Variants in MACROD2 observed in about 807,000 individuals in gnomAD.
MACROD2 encodes the protein ADP-ribose glycohydrolase MACROD2.
In MACROD2, 36 loss-of-function variants were observed where a neutral mutation model predicts 70.4. The ratio of observed to expected loss-of-function variants is 0.51; its 90% CI spans 0.39 to 0.68. MACROD2 has a LOEUF of 0.68. MACROD2 is among the 30% of genes least tolerant of loss of function. MACROD2 has a pLI of 0.00. For synonymous variants in MACROD2, 172 were observed against 178.8 expected (o/e 0.96, Z 0.30); for missense variants, 496 against 538.4 (o/e 0.92, Z 0.78).
chr20:15,035,885 T>C (rs976656955), intron 5 of MACROD2, among the ~76,000 whole-genome samples: 2 of 152,100 alleles, frequency 1.3e-5, no homozygotes, highest in African/African-American at 4.8e-5. Context: ...GCTCCCCCTT[T>C]TTTTTTCCTA....
At chr20:15,344,217 C>T (rs1017106666) in intron 6 of MACROD2, among the ~76,000 whole-genome samples, 3 of 152,180 alleles carry the variant, frequency 2.0e-5, no homozygotes, top group Admixed American at 1.3e-4. Context: ...GGAACAGGCT[C>T]TTCCTCCTAC....
At chr20:14,555,017 A>C (rs541524580) in intron 4 of MACROD2, among the ~76,000 whole-genome samples, 20 of 151,676 alleles carry the variant, frequency 1.3e-4, no homozygotes, top group African/African-American at 3.1e-4. Context: ...ATAAAAAAAA[A>C]CAGAAAGAAT....
At chr20:14,524,403 T>G (rs1250465840) in intron 4 of MACROD2, among the ~76,000 whole-genome samples, 1 of 152,222 alleles carries the variant, frequency 6.6e-6, no homozygotes, top group Non-Finnish European at 1.5e-5. Flanking sequence ...TTTACTAGAG[T>G]TGGCTAGGGC....
At chr20:15,527,041 A>G (rs2047731266) in intron 8 of MACROD2, among the ~76,000 whole-genome samples, 2 of 152,180 alleles carry the variant, frequency 1.3e-5, no homozygotes, top group Admixed American at 1.3e-4. Flanking sequence ...AATATTATGT[A>G]AAATAAAACC....
chr20:15,265,070 A>G (rs1009420727), intron 6 of MACROD2, among the ~76,000 whole-genome samples: 1 of 152,246 alleles, frequency 6.6e-6, no homozygotes, highest in Non-Finnish European at 1.5e-5. Context: ...TTCTTTTAAC[A>G]GTATGGCAGC....
chr20:15,599,357 A>T (rs1181835472), intron 8 of MACROD2, among the ~76,000 whole-genome samples: 15 of 151,944 alleles, frequency 9.9e-5, no homozygotes, highest in Admixed American at 8.5e-4. Flanking sequence ...GCGCCACTGC[A>T]CTCCAGTCTG....
At chr20:14,028,091 T>G (rs777308123) in intron 2 of MACROD2, among the ~76,000 whole-genome samples, 10 of 152,336 alleles carry the variant, frequency 6.6e-5, no homozygotes, top group East Asian at 1.9e-4. Flanking sequence ...GCTGATGCCT[T>G]TCTTTCAGAG....
At chr20:14,247,552 A>T (rs1346903281) in intron 3 of MACROD2, among the ~76,000 whole-genome samples, 1 of 152,236 alleles carries the variant, frequency 6.6e-6, no homozygotes, top group African/African-American at 2.4e-5. Flanking sequence ...ATTGTTTTAC[A>T]GGTTGGGTGT....
chr20:15,666,985 T>C (rs1363417381), intron 8 of MACROD2, among the ~76,000 whole-genome samples: 3 of 152,284 alleles, frequency 2.0e-5, no homozygotes, highest in East Asian at 3.9e-4. Flanking sequence ...ATTTGCTGTA[T>C]TTTTGTTTTC....
intron 3 of MACROD2, among the ~76,000 whole-genome samples, chr20:14,262,774 C>T (rs963128422): frequency 6.6e-6 from 1 of 152,134 alleles, no homozygotes; most frequent in East Asian, 1.9e-4. Flanking sequence ...AACAGCATTA[C>T]TGAAAACAAT....
intron 6 of MACROD2, among the ~76,000 whole-genome samples, chr20:15,304,851 T>C (rs981197665): frequency 1.3e-5 from 2 of 152,192 alleles, no homozygotes; most frequent in African/African-American, 2.4e-5. Context: ...AAACTTCCAC[T>C]CTCCTTTGGT....
chr20:16,008,202 G>A (rs1206658789), intron 15 of MACROD2, among the ~76,000 whole-genome samples: 1 of 152,172 alleles, frequency 6.6e-6, no homozygotes, highest in Admixed American at 6.5e-5. Flanking sequence ...TGAAGGCAAA[G>A]CCTTCCTATA....
intron 8 of MACROD2, among the ~76,000 whole-genome samples, chr20:15,729,519 A>G (rs2050913007): frequency 6.6e-6 from 1 of 152,134 alleles, no homozygotes; most frequent in South Asian, 2.1e-4. Flanking sequence ...GTGGTTATCT[A>G]CGTCTCTCCA....
At chr20:15,815,033 G>A (rs139953968) in intron 8 of MACROD2, among the ~76,000 whole-genome samples, 1 of 152,166 alleles carries the variant, frequency 6.6e-6, no homozygotes, top group Non-Finnish European at 1.5e-5. Context: ...AGGGCAGAGG[G>A]GGTACTTTAT....
chr20:14,009,669 C>T (rs1425705529), intron 2 of MACROD2, among the ~76,000 whole-genome samples: 1 of 152,086 alleles, frequency 6.6e-6, no homozygotes, highest in Admixed American at 6.5e-5. Context: ...TAAAAGAAGG[C>T]GTATGTTCAT....
At chr20:14,093,028 A>C (rs747634745) in intron 3 of MACROD2, among the ~76,000 whole-genome samples, 2 of 152,136 alleles carry the variant, frequency 1.3e-5, no homozygotes, top group Non-Finnish European at 2.9e-5. Flanking sequence ...GGATTTGTCT[A>C]GTTACTAATA....
At chr20:15,918,206 A>G (rs1308156305) in intron 10 of MACROD2, among the ~76,000 whole-genome samples, 2 of 152,210 alleles carry the variant, frequency 1.3e-5, no homozygotes, top group African/African-American at 4.8e-5. Context: ...TCATAATTTA[A>G]TTGGCGTTAA....
chr20:14,630,758 C>G (rs1002546228), intron 4 of MACROD2, among the ~76,000 whole-genome samples: 25 of 152,138 alleles, frequency 1.6e-4, no homozygotes, highest in Admixed American at 8.5e-4. Flanking sequence ...ATATAGTTAT[C>G]TACATTTGAA....
intron 3 of MACROD2, among the ~76,000 whole-genome samples, chr20:14,122,590 T>A (rs777733367): frequency 1.1e-4 from 17 of 152,186 alleles, no homozygotes; most frequent in Non-Finnish European, 2.4e-4. Context: ...AAAGAGTATC[T>A]ATTTTCCCCA....
Sources: gnomAD v4.1 joint callset for allele counts (sites outside exome capture counted in the v4.1 genomes callset) on GRCh38, gnomAD v4.1.1 for gene constraint, MANE v1.5 for transcripts, NCBI Gene and HGNC (gene_info 2026-07-23, HGNC 2026-07-21) for gene names.